The following TAS1R1 variants were observed in gnomAD, a reference collection of about 807,000 sequenced individuals.
The protein encoded by TAS1R1 is taste 1 receptor member 1, also known as taste receptor type 1 member 1.
In TAS1R1, 31 loss-of-function variants were observed where a neutral mutation model predicts 45.8. The ratio of observed to expected loss-of-function variants is 0.68; its 90% confidence interval spans 0.51 to 0.91. The LOEUF is 0.91. Among genes scored for constraint, TAS1R1 ranks in the 40% least tolerant of loss-of-function variants. The pLI is 0.00. For synonymous variants in TAS1R1, 437 were observed against 448.4 expected (o/e 0.97, Z 0.32); for missense variants, 1,051 against 1,063.9 (o/e 0.99, Z 0.17).
At position 6,574,918 on chromosome 1, in the gene TAS1R1, C is replaced by T; in HGVS notation, c.786C>T (p.His262=). The T allele has an allele frequency of 1.2e-6, 2 of 1,613,962 alleles. No individual in the cohort carries two copies. Among genetic ancestry groups the T allele is most frequent in the Non-Finnish European group, 1.7e-6 (2 of 1,179,884 alleles). The change falls in exon 3 of 6, where the codon CAC becomes CAT. Residue 262 remains histidine, a synonymous_variant. Coordinates refer to ENST00000333172, the MANE Select transcript of TAS1R1 (RefSeq NM_138697.4). This position sits in a 1 kb window ranked among gnomAD's most constrained non-coding sequence, Gnocchi z 4.3. The part of the protein sequence containing the change: ...GDERMQCLMR[H]LAQAGATVVV... Reference sequence around the variant, plus strand: ...AGAGGATGCAGTGCCTCATGCGCCACCTGGCCCAGGCCGGGGCCACCGTCG... The same window carrying T: ...AGAGGATGCAGTGCCTCATGCGCCATCTGGCCCAGGCCGGGGCCACCGTCG...
intron 3 of TAS1R1, 35 bp from the exon 4 acceptor site, chr1:6,576,380 G>C: frequency 6.2e-7 from 1 of 1,609,528 alleles, no homozygotes; most frequent in African/African-American, 1.3e-5. Flanking sequence ...GGTCTGTGCT[G>C]TCTGTGGTGG....
Position 6,570,940 on chromosome 1 carries a change from C to A in TAS1R1, c.223C>A (p.Leu75Ile). The A allele has an allele frequency of 1.9e-6, 3 of 1,609,778 alleles. No homozygotes were observed. Among genetic ancestry groups the A allele is most frequent in the Non-Finnish European group, 2.5e-6 (3 of 1,177,812 alleles). Residue 75 changes from leucine (L) to isoleucine (I), a missense_variant, in exon 2 of 6, where the codon CTC becomes ATC. By Grantham distance (5) the Leu-to-Ile change is conservative (BLOSUM62 2). Transcript: ENST00000333172. ...SCSFNEHGYHLFQAMRLGVEE... is the reference protein window; with the variant it reads ...SCSFNEHGYHIFQAMRLGVEE... ...TAGCTTCAATGAGCATGGCTACCAC[C>A]TCTTCCAGGCTATGCGGCTTGGGGT...
At chr1:6,564,555 T>C (rs59413893) in intron 1 of TAS1R1, among the ~76,000 whole-genome samples, 7,999 of 152,146 alleles carry the variant, frequency 0.053, 709 homozygotes, top group African/African-American at 0.18. Flanking sequence ...TTTGGTTAAC[T>C]GAGTTTTAAG....
intron 1 of TAS1R1, among the ~76,000 whole-genome samples, chr1:6,557,935 T>G (rs984734608): frequency 1.3e-5 from 2 of 152,218 alleles, no homozygotes; most frequent in Middle Eastern, 3.4e-3. Context: ...CAGACAGGAG[T>G]TGCTGAAGTA....
At chr1:6,557,997 A>C (rs1480112465) in intron 1 of TAS1R1, among the ~76,000 whole-genome samples, 1 of 152,028 alleles carries the variant, frequency 6.6e-6, no homozygotes, top group Non-Finnish European at 1.5e-5. Flanking sequence ...TCCTGGTGAG[A>C]AGCACTAATT....
At chr1:6,559,939 G>A (rs1303882620) in intron 1 of TAS1R1, among the ~76,000 whole-genome samples, 1 of 148,322 alleles carries the variant, frequency 6.7e-6, no homozygotes, top group East Asian at 2.0e-4. Context: ...GCAATGAGCC[G>A]AGATCCTGCC....
intron 1 of TAS1R1, among the ~76,000 whole-genome samples, chr1:6,568,461 G>GAAA (rs577853147): frequency 1.9e-5 from 2 of 106,332 alleles, no homozygotes; most frequent in South Asian, 3.0e-4. Flanking sequence ...TCTCAAAAAA[G>GAAA]AAAAAAAAAA....
chr1:6,564,708 G>A (rs1296271209), intron 1 of TAS1R1, among the ~76,000 whole-genome samples: 1 of 152,200 alleles, frequency 6.6e-6, no homozygotes, highest in African/African-American at 2.4e-5. Context: ...TATGGAGCAA[G>A]GGAGATCAAA....
chr1:6,556,113 T>C (rs11122093), intron 1 of TAS1R1, among the ~76,000 whole-genome samples: 148,825 of 152,014 alleles, frequency 0.98, 72,948 homozygotes, highest in East Asian at 1. Flanking sequence ...CCTCGTGATC[T>C]GCCCACCTCG....
At position 6,555,545 on chromosome 1, in the gene TAS1R1, G is replaced by A. The variant is rs778710493; in HGVS notation, c.172G>A (p.Glu58Lys). The change falls in exon 1 of 6, where the codon GAG becomes AAG. Residue 58 changes from glutamate to lysine, a missense_variant. Coordinates refer to ENST00000333172, the MANE Select transcript of TAS1R1 (RefSeq NM_138697.4). ...CTGTCTGCAGGTGAGGCACAGACCC[G>A]AGGTGACCCTGTGTGACAGGTGAGT... is the stretch of plus-strand genomic sequence containing the variant. ...SGCLQVRHRP[E>K]VTLCDRSCSF... The A allele has an allele frequency of 8.4e-6, 13 of 1,551,636 alleles. No individual in the cohort carries two copies. The highest frequency in any genetic ancestry group is 2.0e-5 in the Admixed American group (1 of 51,144).
chr1:6,578,870 G>A lies in TAS1R1; in HGVS notation c.1812G>A (p.Leu604=). The change falls in exon 6 of 6, where the codon CTG becomes CTA. Residue 604 remains leucine, a synonymous_variant. Transcript: ENST00000333172. ...TPVVRSAGGR[L]CFLMLGSLAA... is the part of the protein sequence containing the mutation. Reference sequence around the variant, plus strand: ...TGGTGAGGTCAGCAGGGGGCCGCCTGTGCTTTCTTATGCTGGGCTCCCTGG... The same window carrying A: ...TGGTGAGGTCAGCAGGGGGCCGCCTATGCTTTCTTATGCTGGGCTCCCTGG... The A allele has an allele frequency of 6.2e-7, 1 of 1,609,406 alleles. No individual in the cohort carries two copies. Among genetic ancestry groups the A allele is most frequent in the African/African-American group, 1.3e-5 (1 of 74,938 alleles).
intron 1 of TAS1R1, among the ~76,000 whole-genome samples, chr1:6,558,494 C>A (rs1455368233): frequency 6.6e-6 from 1 of 152,080 alleles, no homozygotes; most frequent in Non-Finnish European, 1.5e-5. Flanking sequence ...CCAAGGGAGG[C>A]AGATCACTTG....
rs370316383 is a variant in TAS1R1 at position 6,575,367 on chromosome 1, C to G, written c.1235C>G (p.Ser412Cys). ...QLLGCASGAC[S>C]RGRVYPWQLL... Reference sequence around the variant, plus strand: ...CTGGGCTGTGCCTCTGGAGCTTGTTCCAGGGGCCGAGTCTACCCCTGGCAG... The same window carrying G: ...CTGGGCTGTGCCTCTGGAGCTTGTTGCAGGGGCCGAGTCTACCCCTGGCAG... The change falls in exon 3 of 6, where the codon TCC (serine) becomes TGC (cysteine). Residue 412 changes from serine (S) to cysteine (C), a missense_variant. Transcript: ENST00000333172. 1.9e-6 allele frequency: 3 copies of G among 1,584,074 alleles called. No individual in the cohort carries two copies. The African/African-American group carries it at 4.1e-5, about 21-fold the overall frequency.
chr1:6,576,276 C>T (rs1640170074), intron 3 of TAS1R1, 139 bp from the exon 4 acceptor site: 8 of 757,290 alleles, frequency 1.1e-5, no homozygotes, highest in South Asian at 1.0e-4. Context: ...TGAGGGGCTT[C>T]CTAAGAAGGA....
intron 1 of TAS1R1, among the ~76,000 whole-genome samples, chr1:6,568,266 G>A (rs937884988): frequency 6.6e-6 from 1 of 151,896 alleles, no homozygotes; most frequent in African/African-American, 2.4e-5. Context: ...TGGCTAACAT[G>A]GTGAAACCCC....
chr1:6,576,924 C>T (rs371364984), intron 4 of TAS1R1, 26 bp from the exon 5 acceptor site: 294 of 1,614,080 alleles, frequency 1.8e-4, no homozygotes, highest in Non-Finnish European at 2.4e-4. Flanking sequence ...TGGGCCCCTA[C>T]GTGTGGCCCC....
chr1:6,576,922 T>G, intron 4 of TAS1R1, 28 bp from the exon 5 acceptor site: 1 of 1,614,140 alleles, frequency 6.2e-7, no homozygotes, highest in Non-Finnish European at 8.5e-7. Flanking sequence ...CTTGGGCCCC[T>G]ACGTGTGGCC....
intron 1 of TAS1R1, among the ~76,000 whole-genome samples, chr1:6,558,705 C>T (rs1263325208): frequency 2.0e-5 from 3 of 151,608 alleles, no homozygotes; most frequent in Non-Finnish European, 2.9e-5. Flanking sequence ...GAGTCTCCAG[C>T]GAGACTCAGT....
At chr1:6,573,264 C>T (rs1415410647) in intron 2 of TAS1R1, among the ~76,000 whole-genome samples, 2 of 152,190 alleles carry the variant, frequency 1.3e-5, no homozygotes, top group African/African-American at 4.8e-5. Flanking sequence ...GGAAACCAGC[C>T]TGGCCAACGT....
Sources: allele counts gnomAD v4.1 joint callset (sites outside exome capture counted in the v4.1 genomes callset), GRCh38; gene constraint gnomAD v4.1.1; non-coding constraint Gnocchi (gnomAD v3.1); transcripts MANE v1.5; gene names NCBI Gene and HGNC (gene_info 2026-07-23, HGNC 2026-07-21).